The following PRNP variants were observed in gnomAD, a reference collection of about 807,000 sequenced individuals.
The protein encoded by PRNP is major prion protein.
In PRNP, 15 loss-of-function variants were observed where a neutral mutation model predicts 21.3. That is an observed-to-expected ratio of 0.71 (90% CI 0.47 to 1.09). The LOEUF (loss-of-function observed/expected upper bound fraction) is 1.09. Among genes scored for constraint, PRNP ranks in the 50% least tolerant of loss-of-function variants. PRNP has a pLI of 0.00. For synonymous variants in PRNP, 121 were observed against 123.1 expected (o/e 0.98, Z 0.11); for missense variants, 285 against 340.9 (o/e 0.84, Z 1.29).
chr20:4,687,519 A>G lies in PRNP; in HGVS notation c.-11+1007A>G, dbSNP rs961980459. On this transcript the variant is annotated intron_variant, in intron 1 of 1. Coordinates refer to ENST00000379440, the MANE Select transcript of PRNP (RefSeq NM_000311.5). ...CACGTTTCATTATTAAACAATGGGG[A>G]GAAATCCATGTTTACTGTCCTTTTT... 3.3e-5 allele frequency among the ~76,000 whole-genome samples: 5 copies of G among 149,862 alleles called. No homozygotes were observed. The East Asian group carries it at 7.8e-4, about 23-fold the overall frequency.
In PRNP at chr20:4,700,778, C is replaced by T. The variant is rs930343354; in HGVS notation, c.*796C>T. 6.0e-6 allele frequency: 1 copy of T among 167,730 alleles called. No individual in the cohort carries two copies. Among genetic ancestry groups the T allele is most frequent in the African/African-American group, 2.4e-5 (1 of 41,450 alleles). The allele number at this position is 167,730 out of a possible 1,614,324, so 10.4% of individuals were successfully genotyped here. On this transcript the variant is annotated 3_prime_UTR_variant, in exon 2 of 2. Transcript: ENST00000379440. The surrounding 1 kb of genome is among the most constrained non-coding windows in gnomAD (Gnocchi z 4.1). ...TTAAAGGACCCTATATGTGGCATTC[C>T]TTTCTTTAAACTATAGGTAATTAAG...
chr20:4,699,866 A>G lies in PRNP; in HGVS notation c.646A>G (p.Thr216Ala). Residue 216 changes from threonine (T) to alanine (A), a missense_variant, in exon 2 of 2, where the codon ACC (threonine) becomes GCC (alanine). Transcript: ENST00000379440. This position sits in a 1 kb window ranked among gnomAD's most constrained non-coding sequence, Gnocchi z 5.8. ...GCGCGTGGTTGAGCAGATGTGTATC[A>G]CCCAGTACGAGAGGGAATCTCAGGC... ...MERVVEQMCITQYERESQAYY... is the reference protein window; with the variant it reads ...MERVVEQMCIAQYERESQAYY... 3.1e-6 allele frequency: 5 copies of G among 1,613,580 alleles called. No individual in the cohort carries two copies. Among genetic ancestry groups the G allele is most frequent in the Non-Finnish European group, 4.2e-6 (5 of 1,179,932 alleles).
At chr20:4,692,442 A>G (rs1453986511) in intron 1 of PRNP, among the ~76,000 whole-genome samples, 1 of 152,200 alleles carries the variant, frequency 6.6e-6, no homozygotes, top group Non-Finnish European at 1.5e-5. Flanking sequence ...TTATACCTAG[A>G]TGAATTTATA....
intron 1 of PRNP, among the ~76,000 whole-genome samples, chr20:4,693,079 T>C (rs1352503633): frequency 6.6e-6 from 1 of 152,164 alleles, no homozygotes; most frequent in Non-Finnish European, 1.5e-5. Context: ...GGCATGACCC[T>C]CCACCAGTTT....
At chr20:4,692,421 A>G (rs1394718875) in intron 1 of PRNP, among the ~76,000 whole-genome samples, 1 of 152,206 alleles carries the variant, frequency 6.6e-6, no homozygotes, top group African/African-American at 2.4e-5. Context: ...GAGATTTTCC[A>G]GGTAAAAAAA....
At chr20:4,691,507 A>C (rs1340184352) in intron 1 of PRNP, among the ~76,000 whole-genome samples, 2 of 152,190 alleles carry the variant, frequency 1.3e-5, no homozygotes, top group Non-Finnish European at 2.9e-5. Context: ...CTTTTTCTGC[A>C]TCTATTGAAA....
Position 4,695,853 on chromosome 20 carries a change from T to C in PRNP, c.-10-3358T>C, listed in dbSNP as rs73603212. Among the ~76,000 whole-genome samples the C allele has an allele frequency of 5.1e-3, 773 of 152,356 alleles. 2 individuals are homozygous for C. The highest frequency in any genetic ancestry group is 0.017 in the African/African-American group (716 of 41,574). On this transcript the variant is annotated intron_variant, in intron 1 of 1. Coordinates refer to ENST00000379440, the MANE Select transcript of PRNP (RefSeq NM_000311.5). ...ATCTAGAGTTCACTTTTGTATGTAG[T>C]TAGGGATCTAGTTTTCTTTTTCTTG... is the stretch of plus-strand genomic sequence containing the variant.
chr20:4,688,029 A>T (rs924314894), intron 1 of PRNP, among the ~76,000 whole-genome samples: 2 of 152,210 alleles, frequency 1.3e-5, no homozygotes, highest in East Asian at 3.8e-4. Flanking sequence ...CTAACCAGTA[A>T]GGGGAAAAGC....
Position 4,700,308 on chromosome 20 carries a change from T to A in PRNP, c.*326T>A. 7.0e-6 allele frequency: 4 copies of A among 572,768 alleles called. No homozygotes were observed. The highest frequency in any genetic ancestry group is 6.9e-5 in the South Asian group (4 of 57,968). The allele number at this position is 572,768 out of a possible 1,614,324, so 35.5% of individuals were successfully genotyped here. A position where few individuals can be genotyped will look rare whatever the true frequency, so the allele number is the denominator to read the frequency against. ...GAGGCTAAAACAAATCTCAGAACAG[T>A]CTGAAATACCTTTGCCTGGATACCT... is the stretch of plus-strand genomic sequence containing the variant. On this transcript the variant is annotated 3_prime_UTR_variant, in exon 2 of 2. Coordinates refer to ENST00000379440, the MANE Select transcript of PRNP (RefSeq NM_000311.5). This position sits in a 1 kb window ranked among gnomAD's most constrained non-coding sequence, Gnocchi z 4.1.
chr20:4,695,563 GA>G (rs34193061), intron 1 of PRNP, among the ~76,000 whole-genome samples: 33,689 of 152,076 alleles, frequency 0.22, 3,885 homozygotes, highest in Admixed American at 0.28. Flanking sequence ...GTTTTGCAAT[GA>G]ACATACACGT....
intron 1 of PRNP, among the ~76,000 whole-genome samples, chr20:4,689,878 A>G (rs1921712584): frequency 6.6e-6 from 1 of 152,180 alleles, no homozygotes; most frequent in Non-Finnish European, 1.5e-5. Context: ...GTAATCCTTC[A>G]GTGAAAAGCA....
Position 4,697,436 on chromosome 20 carries a change from T to TAA in PRNP, c.-10-1774_-10-1773dup, listed in dbSNP as rs1220752153. Among the ~76,000 whole-genome samples the TAA allele has an allele frequency of 6.6e-6, 1 of 152,214 alleles. No individual in the cohort carries two copies. On this transcript the variant is annotated intron_variant, in intron 1 of 1. Transcript: ENST00000379440. This position sits in a 1 kb window ranked among gnomAD's most constrained non-coding sequence, Gnocchi z 4.6. ...AAGTAGCTGTAACTGCTCCAGAGAATAATGAAGCCAGGAAAGGGGGTGGGC... is the reference window on the plus strand; with the variant it reads ...AAGTAGCTGTAACTGCTCCAGAGAATAAAATGAAGCCAGGAAAGGGGGTGGGC...
In PRNP at chr20:4,700,049, G is replaced by A. The variant is rs1922501087; in HGVS notation, c.*67G>A. On this transcript the variant is annotated 3_prime_UTR_variant, in exon 2 of 2. Transcript: ENST00000379440. The surrounding 1 kb of genome is among the most constrained non-coding windows in gnomAD (Gnocchi z 4.1). ...AGCTTGAGGGAGGCGGTATCCACCT[G>A]CAGCCCTTTTAGTGGTGGTGTCTCA... The A allele has an allele frequency of 7.1e-6, 11 of 1,553,444 alleles. No homozygotes were observed. Among genetic ancestry groups the A allele is most frequent in the Non-Finnish European group, 8.7e-6 (10 of 1,148,094 alleles).
At chr20:4,687,020 C>G (rs921863386) in intron 1 of PRNP, among the ~76,000 whole-genome samples, 1 of 152,030 alleles carries the variant, frequency 6.6e-6, no homozygotes, top group Non-Finnish European at 1.5e-5. Context: ...TTGGCAAGGC[C>G]TGGCGCTTCC....
At position 4,686,492 on chromosome 20, in the gene PRNP, C is replaced by T. The variant is rs1279436976; in HGVS notation, c.-31C>T. The T allele has an allele frequency of 6.6e-6, 1 of 152,000 alleles. No individual in the cohort carries two copies. Among genetic ancestry groups the T allele is most frequent in the Non-Finnish European group, 1.5e-5 (1 of 67,980 alleles). The allele number at this position is 152,000 out of a possible 1,614,324, so 9.4% of individuals were successfully genotyped here. ...ACAGCCGCGGCGCCGCGAGCTTCTC[C>T]TCTCCTCACGACCGAGGCAGGTAAA... On this transcript the variant is annotated 5_prime_UTR_variant, in exon 1 of 2. Coordinates refer to ENST00000379440, the MANE Select transcript of PRNP (RefSeq NM_000311.5). The surrounding 1 kb of genome is among the most constrained non-coding windows in gnomAD (Gnocchi z 6.7).
At position 4,699,520 on chromosome 20, in the gene PRNP, C is replaced by G. The variant is rs1257939387; in HGVS notation, c.300C>G (p.Asn100Lys). The G allele has an allele frequency of 6.2e-7, 1 of 1,613,876 alleles. No homozygotes were observed. The change falls in exon 2 of 2, where the codon AAC becomes AAG. Residue 100 changes from asparagine to lysine, a missense_variant. Coordinates refer to ENST00000379440, the MANE Select transcript of PRNP (RefSeq NM_000311.5). This position sits in a 1 kb window ranked among gnomAD's most constrained non-coding sequence, Gnocchi z 5.8. ...GAGGTGGCACCCACAGTCAGTGGAA[C>G]AAGCCGAGTAAGCCAAAAACCAACA... ...GQGGGTHSQW[N>K]KPSKPKTNMK...
rs1601024656 is a variant in PRNP, at chr20:4,699,794, A to G, written c.574A>G (p.Thr192Ala). 6.2e-7 allele frequency: 1 copy of G among 1,613,842 alleles called. No homozygotes were observed. The highest frequency in any genetic ancestry group is 8.5e-7 in the Non-Finnish European group (1 of 1,179,968). The part of the protein sequence containing the change: ...ITIKQHTVTT[T>A]TKGENFTETD... ...AATCAAGCAGCACACGGTCACCACA[A>G]CCACCAAGGGGGAGAACTTCACCGA... The change falls in exon 2 of 2, where the codon ACC (threonine) becomes GCC (alanine). Residue 192 changes from threonine to alanine, a missense_variant. By Grantham distance (58) the Thr-to-Ala change is moderately conservative. Transcript: ENST00000379440. This position sits in a 1 kb window ranked among gnomAD's most constrained non-coding sequence, Gnocchi z 5.8.
rs766136217 is a variant in PRNP, at chr20:4,699,442, G to T, written c.222G>T (p.Gly74=). The T allele has an allele frequency of 6.2e-7, 1 of 1,610,232 alleles. No homozygotes were observed. Among genetic ancestry groups the T allele is most frequent in the Admixed American group, 1.7e-5 (1 of 59,748 alleles). The change falls in exon 2 of 2, where the codon GGG becomes GGT. Residue 74 remains glycine, a synonymous_variant. Transcript: ENST00000379440. The surrounding 1 kb of genome is among the most constrained non-coding windows in gnomAD (Gnocchi z 5.8). Reference sequence around the variant, plus strand: ...GGCAGCCTCATGGTGGTGGCTGGGGGCAGCCCCATGGTGGTGGCTGGGGAC... The same window carrying T: ...GGCAGCCTCATGGTGGTGGCTGGGGTCAGCCCCATGGTGGTGGCTGGGGAC... ...GWGQPHGGGW[G]QPHGGGWGQP...
At chr20:4,688,215 A>G (rs1921600221) in intron 1 of PRNP, among the ~76,000 whole-genome samples, 1 of 152,230 alleles carries the variant, frequency 6.6e-6, no homozygotes, top group Admixed American at 6.5e-5. Context: ...AAAATAACCA[A>G]AATAATTAAT....
Sources: allele counts gnomAD v4.1 joint callset (sites outside exome capture counted in the v4.1 genomes callset), GRCh38; gene constraint gnomAD v4.1.1; non-coding constraint Gnocchi (gnomAD v3.1); transcripts MANE v1.5; gene names NCBI Gene and HGNC (gene_info 2026-07-23, HGNC 2026-07-21).